DRC11: variants seen among roughly 807,000 people sequenced by gnomAD.
DRC11 encodes dynein regulatory complex subunit 11, also known as IQ and AAA domain-containing protein 1.
At chr2:236,459,502 TATAC>T in the DRC11 span, among the ~76,000 whole-genome samples, 153 of 107,620 alleles carry the variant, frequency 1.4e-3, no homozygotes, top group Non-Finnish European at 2.5e-3. Flanking sequence ...CGTATATATG[TATAC>T]GTATACGTAT....
chr2:236,369,826 C>G, the DRC11 span, among the ~76,000 whole-genome samples: 1 of 152,168 alleles, frequency 6.6e-6, no homozygotes, highest in Admixed American at 6.6e-5. This position sits in a 1 kb window ranked among gnomAD's most constrained non-coding sequence, Gnocchi z 4.5. Flanking sequence ...GTCCAGCATT[C>G]CCGGCACAGA....
At chr2:236,452,519 C>A in the DRC11 span, among the ~76,000 whole-genome samples, 1 of 152,202 alleles carries the variant, frequency 6.6e-6, no homozygotes, top group Non-Finnish European at 1.5e-5. This position sits in a 1 kb window ranked among gnomAD's most constrained non-coding sequence, Gnocchi z 4.7. Context: ...ACAGAAGCCT[C>A]CAAAGGTGGC....
chr2:236,433,966 A>C, the DRC11 span, among the ~76,000 whole-genome samples: 1 of 152,226 alleles, frequency 6.6e-6, no homozygotes, highest in Non-Finnish European at 1.5e-5. Flanking sequence ...AAATATCAAA[A>C]ATGGATGTTA....
the DRC11 span, chr2:236,408,129 GAT>G: frequency 3.0e-6 from 2 of 669,280 alleles, no homozygotes; most frequent in Non-Finnish European, 5.7e-6. The surrounding 1 kb of genome is among the most constrained non-coding windows in gnomAD (Gnocchi z 5.5). Context: ...CCAGAGAGTT[GAT>G]ATTCTTGTCA....
the DRC11 span, among the ~76,000 whole-genome samples, chr2:236,447,403 ACAGAAAGGTCCCTGGTGC>A: frequency 6.6e-6 from 1 of 151,634 alleles, no homozygotes; most frequent in Non-Finnish European, 1.5e-5. This position sits in a 1 kb window ranked among gnomAD's most constrained non-coding sequence, Gnocchi z 4.6. Flanking sequence ...AGAGACCTGG[ACAGAAAGGTCCCTGGTGC>A]CAGAAAGGTT....
chr2:236,352,272 G>T, the DRC11 span, among the ~76,000 whole-genome samples: 1 of 152,140 alleles, frequency 6.6e-6, no homozygotes, highest in Admixed American at 6.5e-5. The surrounding 1 kb of genome is among the most constrained non-coding windows in gnomAD (Gnocchi z 7.0). Context: ...CCTTGGCGGG[G>T]AGTGGAGGGA....
chr2:236,308,671 T>G, the DRC11 span, among the ~76,000 whole-genome samples: 1 of 152,240 alleles, frequency 6.6e-6, no homozygotes, highest in South Asian at 2.1e-4. The surrounding 1 kb of genome is among the most constrained non-coding windows in gnomAD (Gnocchi z 6.0). Flanking sequence ...TCATCCATGT[T>G]GTTGAAAAGG....
the DRC11 span, among the ~76,000 whole-genome samples, chr2:236,459,535 G>GTATATACGTGTATACATACGTA: frequency 1.0e-3 from 107 of 106,288 alleles, 1 homozygote; most frequent in Admixed American, 1.2e-3. Flanking sequence ...ACATGTATAC[G>GTATATACGTGTATACATACGTA]TATACGTATA....
At chr2:236,401,955 T>C in the DRC11 span, among the ~76,000 whole-genome samples, 3 of 152,192 alleles carry the variant, frequency 2.0e-5, no homozygotes, top group Non-Finnish European at 4.4e-5. The surrounding 1 kb of genome is among the most constrained non-coding windows in gnomAD (Gnocchi z 4.6). Context: ...GCACTCTCTA[T>C]TGCTGAGGTG....
the DRC11 span, among the ~76,000 whole-genome samples, chr2:236,434,031 T>C: frequency 1.3e-5 from 2 of 152,378 alleles, no homozygotes; most frequent in Admixed American, 1.3e-4. The surrounding 1 kb of genome is among the most constrained non-coding windows in gnomAD (Gnocchi z 5.5). Flanking sequence ...GTTTTCCCTT[T>C]TGGATTTTTT....
the DRC11 span, among the ~76,000 whole-genome samples, chr2:236,372,472 G>C: frequency 3.3e-5 from 5 of 152,146 alleles, no homozygotes; most frequent in East Asian, 9.7e-4. The surrounding 1 kb of genome is among the most constrained non-coding windows in gnomAD (Gnocchi z 4.5). Flanking sequence ...TTTTCACATT[G>C]AAAATCAGTC....
the DRC11 span, among the ~76,000 whole-genome samples, chr2:236,322,174 T>C: frequency 6.6e-6 from 1 of 152,026 alleles, no homozygotes; most frequent in Non-Finnish European, 1.5e-5. Context: ...CTCAGGTTTA[T>C]TCTCCAAAAT....
chr2:236,390,914 T>C, the DRC11 span, among the ~76,000 whole-genome samples: 30 of 152,334 alleles, frequency 2.0e-4, no homozygotes, highest in African/African-American at 6.7e-4. This position sits in a 1 kb window ranked among gnomAD's most constrained non-coding sequence, Gnocchi z 5.9. Context: ...GTCCCTTTCT[T>C]CCAAGATAAA....
At chr2:236,413,566 C>G in the DRC11 span, among the ~76,000 whole-genome samples, 928 of 152,288 alleles carry the variant, frequency 6.1e-3, 9 homozygotes, top group African/African-American at 0.021. This position sits in a 1 kb window ranked among gnomAD's most constrained non-coding sequence, Gnocchi z 4.0. Flanking sequence ...ATTTGGAGCA[C>G]CTCTTTGGGC....
At chr2:236,433,669 T>C in the DRC11 span, among the ~76,000 whole-genome samples, 3 of 152,246 alleles carry the variant, frequency 2.0e-5, no homozygotes, top group Non-Finnish European at 4.4e-5. Context: ...CTCTTTAGTT[T>C]ATTCTCTTTG....
chr2:236,322,536 G>C, the DRC11 span, among the ~76,000 whole-genome samples: 56 of 152,128 alleles, frequency 3.7e-4, no homozygotes, highest in East Asian at 9.7e-3. Context: ...GTGAGCCACC[G>C]TGCCTGGCCT....
At chr2:236,376,296 G>A in the DRC11 span, among the ~76,000 whole-genome samples, 7 of 152,294 alleles carry the variant, frequency 4.6e-5, no homozygotes, top group East Asian at 1.2e-3. This position sits in a 1 kb window ranked among gnomAD's most constrained non-coding sequence, Gnocchi z 5.7. Context: ...TGTTCCTGAC[G>A]GAAGGAATTA....
At chr2:236,374,857 A>ATTTTTTTT in the DRC11 span, among the ~76,000 whole-genome samples, 1 of 125,946 alleles carries the variant, frequency 7.9e-6, no homozygotes. Context: ...TGCCTGGCTA[A>ATTTTTTTT]TTTTTTTTTT....
the DRC11 span, among the ~76,000 whole-genome samples, chr2:236,347,719 G>C: frequency 5.3e-5 from 8 of 151,740 alleles, no homozygotes; most frequent in Non-Finnish European, 1.2e-4. Flanking sequence ...GAGTGGGAGG[G>C]GGGTGAGGGA....
Sources: gnomAD v4.1 joint callset for allele counts (sites outside exome capture counted in the v4.1 genomes callset) on GRCh38, gnomAD v4.1.1 for gene constraint, Gnocchi (gnomAD v3.1) non-coding constraint, MANE v1.5 for transcripts, NCBI Gene and HGNC (gene_info 2026-07-23, HGNC 2026-07-21) for gene names.